Variants in CFAP210 observed in about 807,000 individuals in gnomAD.
CFAP210 encodes cilia and flagella associated protein 210.
the CFAP210 span, among the ~76,000 whole-genome samples, chr2:169,651,226 G>GGAAA: frequency 2.2e-4 from 22 of 102,048 alleles, no homozygotes; most frequent in South Asian, 1.1e-3. Flanking sequence ...GACTCTGTCT[G>GGAAA]AAAAAAAAAA....
At chr2:169,674,324 A>AT in the CFAP210 span, among the ~76,000 whole-genome samples, 1 of 152,270 alleles carries the variant, frequency 6.6e-6, no homozygotes. Context: ...CAACCCCCAG[A>AT]TGCATGAGAA....
chr2:169,687,378 G>A, the CFAP210 span, among the ~76,000 whole-genome samples: 1 of 152,198 alleles, frequency 6.6e-6, no homozygotes, highest in Admixed American at 6.5e-5. Flanking sequence ...CTATGAGCCT[G>A]TAAAATGAAA....
At chr2:169,664,752 A>G in the CFAP210 span, among the ~76,000 whole-genome samples, 2 of 152,218 alleles carry the variant, frequency 1.3e-5, no homozygotes, top group Non-Finnish European at 2.9e-5. Flanking sequence ...TGCATTGGGA[A>G]GCCTCCACCA....
chr2:169,652,411 T>A, the CFAP210 span, among the ~76,000 whole-genome samples: 1 of 152,180 alleles, frequency 6.6e-6, no homozygotes, highest in African/African-American at 2.4e-5. Context: ...CTGACACTAT[T>A]CCCGGTGCTG....
the CFAP210 span, among the ~76,000 whole-genome samples, chr2:169,689,762 A>T: frequency 1.3e-5 from 2 of 152,208 alleles, no homozygotes; most frequent in African/African-American, 4.8e-5. Context: ...TCATCAGGTT[A>T]AGAAAATTCC....
At chr2:169,657,088 A>G in the CFAP210 span, among the ~76,000 whole-genome samples, 3 of 151,630 alleles carry the variant, frequency 2.0e-5, no homozygotes, top group Non-Finnish European at 4.4e-5. Context: ...TTAAACCTGT[A>G]TATTATTTTG....
At chr2:169,676,556 C>G in the CFAP210 span, among the ~76,000 whole-genome samples, 2 of 124,748 alleles carry the variant, frequency 1.6e-5, no homozygotes, top group Non-Finnish European at 1.8e-5. Flanking sequence ...AACCACTCCC[C>G]CTACCTGTAG....
the CFAP210 span, among the ~76,000 whole-genome samples, chr2:169,669,454 G>A: frequency 6.6e-6 from 1 of 152,132 alleles, no homozygotes; most frequent in Non-Finnish European, 1.5e-5. Context: ...ATCTCTGGAT[G>A]ATAAGTAAAG....
the CFAP210 span, among the ~76,000 whole-genome samples, chr2:169,687,881 G>C: frequency 6.8e-6 from 1 of 148,134 alleles, no homozygotes; most frequent in South Asian, 2.1e-4. Context: ...GCAAACTTTT[G>C]CCTGGACATC....
chr2:169,663,989 G>C, the CFAP210 span, among the ~76,000 whole-genome samples: 9 of 143,994 alleles, frequency 6.3e-5, no homozygotes, highest in Non-Finnish European at 1.2e-4. Flanking sequence ...AGGAGTTTGA[G>C]ACCAGCCTGG....
At chr2:169,678,264 C>T in the CFAP210 span, among the ~76,000 whole-genome samples, 50,779 of 147,792 alleles carry the variant, frequency 0.34, 9,558 homozygotes, top group Admixed American at 0.48. Flanking sequence ...TTGCTTGAAC[C>T]CGGGAGGCGG....
At chr2:169,668,422 C>T in the CFAP210 span, among the ~76,000 whole-genome samples, 9 of 152,238 alleles carry the variant, frequency 5.9e-5, no homozygotes, top group Admixed American at 5.9e-4. Flanking sequence ...TAGAGTAGCA[C>T]TTTTAATTTC....
the CFAP210 span, among the ~76,000 whole-genome samples, chr2:169,679,993 A>G: frequency 1.3e-5 from 2 of 152,194 alleles, no homozygotes; most frequent in Non-Finnish European, 2.9e-5. Flanking sequence ...ATAGAGTGGG[A>G]GAAAATATTT....
the CFAP210 span, among the ~76,000 whole-genome samples, chr2:169,655,121 T>C: frequency 6.6e-6 from 1 of 152,178 alleles, no homozygotes; most frequent in East Asian, 1.9e-4. Context: ...TTGAGCACAA[T>C]AGCCTGAATA....
chr2:169,666,157 T>G, the CFAP210 span, among the ~76,000 whole-genome samples: 1 of 152,112 alleles, frequency 6.6e-6, no homozygotes, highest in South Asian at 2.1e-4. Flanking sequence ...TTTGGTCTCT[T>G]TTCTTTATTT....
the CFAP210 span, among the ~76,000 whole-genome samples, chr2:169,666,786 CT>C: frequency 6.6e-6 from 1 of 152,162 alleles, no homozygotes; most frequent in Non-Finnish European, 1.5e-5. Flanking sequence ...CCTGCTGCTG[CT>C]TTATCAACTA....
At chr2:169,674,342 T>A in the CFAP210 span, among the ~76,000 whole-genome samples, 724 of 152,252 alleles carry the variant, frequency 4.8e-3, 3 homozygotes, top group Non-Finnish European at 7.8e-3. Flanking sequence ...GAAGTAAACA[T>A]GTTTTTTTTG....
the CFAP210 span, among the ~76,000 whole-genome samples, chr2:169,647,474 A>T: frequency 6.6e-6 from 1 of 152,196 alleles, no homozygotes; most frequent in Non-Finnish European, 1.5e-5. Flanking sequence ...GATGAAGGTA[A>T]AGTACCTTCG....
the CFAP210 span, among the ~76,000 whole-genome samples, chr2:169,693,507 C>T: frequency 6.6e-6 from 1 of 152,228 alleles, no homozygotes; most frequent in Non-Finnish European, 1.5e-5. Context: ...GCAGGGGGCA[C>T]TATTGCTACA....
Sources: gnomAD v4.1 joint callset for allele counts (sites outside exome capture counted in the v4.1 genomes callset) on GRCh38, gnomAD v4.1.1 for gene constraint, MANE v1.5 for transcripts, NCBI Gene and HGNC (gene_info 2026-07-23, HGNC 2026-07-21) for gene names.